The following DAB1 variants were observed in gnomAD, a reference collection of about 807,000 sequenced individuals.
The protein encoded by DAB1 is DAB adaptor protein 1, also known as disabled homolog 1.
Under a neutral mutation model 64.6 loss-of-function variants are expected in DAB1, and 15 were observed. The ratio of observed to expected loss-of-function variants is 0.23; its 90% CI spans 0.16 to 0.36. The LOEUF (loss-of-function observed/expected upper bound fraction) is 0.36. Ranked by LOEUF, DAB1 falls within the 10% of genes least tolerant of loss-of-function variation. DAB1 has a pLI of 1.00. For missense variants in DAB1, 596 were observed against 706.7 expected, an observed-to-expected ratio of 0.84 and a Z score of 1.78; for synonymous variants, 235 against 251.9, an observed-to-expected ratio of 0.93 and a Z score of 0.64.
chr1:57,211,439 T>C (rs1665998798), intron 2 of DAB1, among the ~76,000 whole-genome samples: 2 of 152,146 alleles, frequency 1.3e-5, no homozygotes, highest in Non-Finnish European at 2.9e-5. Flanking sequence ...AGGTATGGTA[T>C]GATGTATAGG....
At chr1:58,092,064 C>G (rs1484859698) in intron 5 of DAB1, among the ~76,000 whole-genome samples, 2 of 151,958 alleles carry the variant, frequency 1.3e-5, no homozygotes, top group Non-Finnish European at 2.9e-5. Flanking sequence ...TCACCGGGAG[C>G]GATGGCTCAC....
At chr1:57,111,653 T>C (rs531624333) in intron 4 of DAB1, among the ~76,000 whole-genome samples, 1 of 152,278 alleles carries the variant, frequency 6.6e-6, no homozygotes, top group Admixed American at 6.5e-5. Flanking sequence ...AGTCACTCCC[T>C]ATCACATTAC....
chr1:57,179,609 A>G (rs1662696545), intron 2 of DAB1, among the ~76,000 whole-genome samples: 1 of 152,162 alleles, frequency 6.6e-6, no homozygotes, highest in Non-Finnish European at 1.5e-5. Flanking sequence ...GGCTGTATTC[A>G]CTATGAACCA....
At position 58,382,035 on chromosome 1, in the gene DAB1, C is replaced by T. The variant is rs1019115231; in HGVS notation, n.258-38632G>A. The stretch of plus-strand genomic sequence containing the variant: ...GTCTAATAACTATTTGCATTTGAAC[C>T]TTTGACTTTAGCTCTGCTTTGAGAA... On this transcript the variant is annotated intron_variant and non_coding_transcript_variant, in intron 3 of 20. Coordinates refer to the DAB1 transcript ENST00000485760. 1.2e-4 allele frequency among the ~76,000 whole-genome samples: 19 copies of T among 152,204 alleles called. 1 individual carries two copies. The highest frequency in any genetic ancestry group is 2.4e-5 in the African/African-American group (1 of 41,454).
chr1:57,235,833 A>T (rs1255811310), intron 2 of DAB1, among the ~76,000 whole-genome samples: 1 of 152,252 alleles, frequency 6.6e-6, no homozygotes, highest in Non-Finnish European at 1.5e-5. Context: ...AATAATGTAG[A>T]CGCATCACAA....
chr1:58,002,640 A>C (rs912447857), intron 5 of DAB1, among the ~76,000 whole-genome samples: 4 of 152,206 alleles, frequency 2.6e-5, no homozygotes, highest in Non-Finnish European at 5.9e-5. Flanking sequence ...CAAAGAAATC[A>C]GCAGATACAA....
At chr1:57,277,708 C>G (rs886824635) in intron 2 of DAB1, among the ~76,000 whole-genome samples, 4 of 152,144 alleles carry the variant, frequency 2.6e-5, no homozygotes, top group Non-Finnish European at 5.9e-5. Flanking sequence ...GGTCCTGATC[C>G]TTTTTAGGAT....
At chr1:57,464,829 A>G (rs770129057) in intron 7 of DAB1, among the ~76,000 whole-genome samples, 1 of 151,902 alleles carries the variant, frequency 6.6e-6, no homozygotes, top group Non-Finnish European at 1.5e-5. Flanking sequence ...TCTTAGCACA[A>G]TATTTCCTGG....
exon 3 of DAB1, chr1:58,506,123 T>A: frequency 1.1e-6 from 1 of 872,364 alleles, no homozygotes; most frequent in Non-Finnish European, 2.0e-6. Flanking sequence ...TAGATAACCA[T>A]TCTGGCATCT....
intron 7 of DAB1, among the ~76,000 whole-genome samples, chr1:57,557,769 T>C (rs1376073273): frequency 6.6e-6 from 1 of 152,188 alleles, no homozygotes; most frequent in African/African-American, 2.4e-5. Context: ...AGTGACTCTA[T>C]ACATAATACC....
chr1:57,404,666 A>G (rs1449393457), intron 1 of DAB1, among the ~76,000 whole-genome samples: 2 of 152,214 alleles, frequency 1.3e-5, no homozygotes, highest in Non-Finnish European at 1.5e-5. Context: ...TGAAAGAAAA[A>G]TTCATTACAC....
At chr1:57,880,609 A>G (rs1246645834) in intron 1 of DAB1, 1 of 152,126 alleles carries the variant, frequency 6.6e-6, no homozygotes, top group East Asian at 1.9e-4. Flanking sequence ...CTGTCACACT[A>G]CTTTCAATGT....
chr1:57,349,410 T>C (rs1227586497), intron 1 of DAB1, among the ~76,000 whole-genome samples: 1 of 152,104 alleles, frequency 6.6e-6, no homozygotes, highest in Non-Finnish European at 1.5e-5. Context: ...TATCATACAT[T>C]TAGCCTTTAA....
intron 4 of DAB1, among the ~76,000 whole-genome samples, chr1:57,131,411 C>T (rs1347230279): frequency 2.0e-5 from 3 of 152,176 alleles, no homozygotes; most frequent in Non-Finnish European, 2.9e-5. Flanking sequence ...CAGGCTAGCC[C>T]TTATCCCCAG....
At chr1:58,034,243 A>G (rs1647012193) in intron 5 of DAB1, among the ~76,000 whole-genome samples, 1 of 152,226 alleles carries the variant, frequency 6.6e-6, no homozygotes, top group African/African-American at 2.4e-5. Context: ...TCTTTGTGCT[A>G]AAGAACTGAG....
In DAB1 at chr1:57,920,702, C is replaced by G. The variant is rs146711349; in HGVS notation, n.388-36540G>C. Among the ~76,000 whole-genome samples, 363 of 152,208 alleles carry G rather than the reference C, an allele frequency of 2.4e-3. 2 individuals are homozygous for G. The highest frequency in any genetic ancestry group is 8.4e-3 in the African/African-American group (347 of 41,518). ...TGTACAAAATACCTACTTCCTAGAG[C>G]TGTTTTGGAGACTAAATAAAATAAT... On this transcript the variant is annotated intron_variant and non_coding_transcript_variant, in intron 5 of 20. Transcript: ENST00000485760.
At chr1:58,346,812 C>T (rs917620362) in intron 3 of DAB1, among the ~76,000 whole-genome samples, 2 of 152,170 alleles carry the variant, frequency 1.3e-5, no homozygotes, top group Non-Finnish European at 2.9e-5. Flanking sequence ...AACGATGAAA[C>T]ACCATGTGTG....
intron 7 of DAB1, among the ~76,000 whole-genome samples, chr1:57,552,147 G>T (rs776701552): frequency 1.3e-5 from 2 of 152,132 alleles, no homozygotes; most frequent in Non-Finnish European, 2.9e-5. Context: ...AGTCTGGTGG[G>T]ATCTTTCTCA....
At chr1:58,036,333 T>C (rs774561047) in intron 5 of DAB1, among the ~76,000 whole-genome samples, 3 of 152,114 alleles carry the variant, frequency 2.0e-5, no homozygotes, top group Non-Finnish European at 4.4e-5. Flanking sequence ...CAGTTGGTAA[T>C]AAGGGAGAGC....
Sources: allele counts gnomAD v4.1 joint callset (sites outside exome capture counted in the v4.1 genomes callset), GRCh38; gene constraint gnomAD v4.1.1; transcripts MANE v1.5; gene names NCBI Gene and HGNC (gene_info 2026-07-23, HGNC 2026-07-21).